Variants in EYA2 observed in about 807,000 individuals in gnomAD.
EYA2 encodes protein phosphatase EYA2.
In EYA2, 31 loss-of-function variants were observed where a neutral mutation model predicts 69.2. That is an observed-to-expected ratio of 0.45 (90% CI 0.34 to 0.60). The LOEUF (loss-of-function observed/expected upper bound fraction) is 0.60, where lower values mean the gene tolerates loss of function less well. Ranked by LOEUF, EYA2 falls within the 20% of genes least tolerant of loss-of-function variation. The probability of loss-of-function intolerance (pLI) is 0.02; values close to 1 mark genes in which losing one functional copy is unlikely to be tolerated. For missense variants in EYA2, 622 were observed against 701.2 expected (o/e 0.89, Z 1.28); for synonymous variants, 257 against 279.4 (o/e 0.92, Z 0.80).
intron 5 of EYA2, among the ~76,000 whole-genome samples, chr20:47,032,790 G>A (rs2146400200): frequency 6.6e-6 from 1 of 152,350 alleles, no homozygotes; most frequent in East Asian, 1.9e-4. Flanking sequence ...ACAAAGTCAA[G>A]TGCTTCCTTG....
intron 8 of EYA2, among the ~76,000 whole-genome samples, chr20:47,096,762 T>G (rs2032258292): frequency 6.6e-6 from 1 of 152,228 alleles, no homozygotes; most frequent in African/African-American, 2.4e-5. Flanking sequence ...TGGTATTTCA[T>G]TTTGTAAAAC....
intron 1 of EYA2, among the ~76,000 whole-genome samples, chr20:46,930,623 G>A (rs1221928237): frequency 6.6e-6 from 1 of 152,122 alleles, no homozygotes; most frequent in East Asian, 1.9e-4. Context: ...TCCTGGTTAG[G>A]TTTCTTGATC....
intron 9 of EYA2, among the ~76,000 whole-genome samples, chr20:47,117,897 G>C (rs1017197126): frequency 6.6e-6 from 1 of 152,150 alleles, no homozygotes; most frequent in Non-Finnish European, 1.5e-5. Flanking sequence ...AAGGACATCT[G>C]TTTATTTTAT....
intron 9 of EYA2, among the ~76,000 whole-genome samples, chr20:47,121,458 C>G (rs772020273): frequency 7.2e-5 from 11 of 152,106 alleles, no homozygotes; most frequent in Non-Finnish European, 1.3e-4. Context: ...TTATGGTCTT[C>G]AAGGAATTGA....
chr20:46,908,782 G>T (rs927963138), intron 1 of EYA2, among the ~76,000 whole-genome samples: 2 of 149,912 alleles, frequency 1.3e-5, no homozygotes, highest in Non-Finnish European at 2.9e-5. Context: ...ATACCTCCAG[G>T]CTCATAGTGT....
intron 7 of EYA2, among the ~76,000 whole-genome samples, chr20:47,075,265 G>C (rs186510207): frequency 6.6e-6 from 1 of 152,208 alleles, no homozygotes; most frequent in Non-Finnish European, 1.5e-5. Flanking sequence ...GGGAAATAAA[G>C]TGCAGTGTAG....
In EYA2 at chr20:47,060,855, T is replaced by C. The variant is rs1409559694; in HGVS notation, c.416-11330T>C. 3.2e-4 allele frequency among the ~76,000 whole-genome samples: 40 copies of C among 125,326 alleles called. 1 individual carries two copies. The highest frequency in any genetic ancestry group is 1.0e-3 in the African/African-American group (34 of 33,558). The allele number at this position is 125,326 out of a possible 152,430, so 82.2% of individuals were successfully genotyped here. ...TTCATCAATCGCTCTCTCTCTCTTT[T>C]TTTTTTTTTTTTTTTTGGAAATGGG... is the stretch of plus-strand genomic sequence containing the variant. On this transcript the variant is annotated intron_variant, in intron 5 of 15. Transcript: ENST00000327619.
At chr20:47,018,762 A>G (rs1426442015) in intron 5 of EYA2, among the ~76,000 whole-genome samples, 4 of 152,250 alleles carry the variant, frequency 2.6e-5, no homozygotes, top group Non-Finnish European at 5.9e-5. Flanking sequence ...TGGGCACCAT[A>G]AGCCCTGCTT....
chr20:47,160,910 G>A, intron 10 of EYA2: 1 of 240,872 alleles, frequency 4.2e-6, no homozygotes, highest in South Asian at 7.4e-5. Flanking sequence ...AAGGTAGTCA[G>A]TGAATTCCTG....
At chr20:46,918,078 T>C (rs1475310755) in intron 1 of EYA2, among the ~76,000 whole-genome samples, 2 of 152,102 alleles carry the variant, frequency 1.3e-5, no homozygotes, top group African/African-American at 4.8e-5. Flanking sequence ...CCCAGCACTT[T>C]GGGAAGCCGA....
chr20:47,073,842 G>C (rs1193631636), intron 6 of EYA2, among the ~76,000 whole-genome samples: 4 of 152,090 alleles, frequency 2.6e-5, no homozygotes, highest in Non-Finnish European at 5.9e-5. Flanking sequence ...GTTCTGAGAT[G>C]TGGATTTTAG....
In EYA2 at chr20:47,021,626, CAA is replaced by C. The variant is rs11477310; in HGVS notation, c.415+5346_415+5347del. 4.1e-3 allele frequency among the ~76,000 whole-genome samples: 338 copies of C among 81,980 alleles called. 3 individuals are homozygous for C. Among genetic ancestry groups the C allele is most frequent in the East Asian group, 0.024 (77 of 3,250 alleles). The allele number at this position is 81,980 out of a possible 152,430, so 53.8% of individuals were successfully genotyped here. On this transcript the variant is annotated intron_variant, in intron 5 of 15. Coordinates refer to ENST00000327619, the MANE Select transcript of EYA2 (RefSeq NM_005244.5). ...TAGGCGACAAAGCGAGACTCCATCT[CAA>C]AAAAAAAAAAAAAAAAGGCAAGAAA...
intron 9 of EYA2, chr20:47,117,622 T>G (rs2032937180): frequency 5.1e-6 from 5 of 985,438 alleles, no homozygotes; most frequent in Non-Finnish European, 6.0e-6. Flanking sequence ...TGTCTGTTAC[T>G]GCTTTACAAA....
chr20:47,097,042 G>A (rs761603143), intron 8 of EYA2, 43 bp from the exon 9 acceptor site: 11 of 1,437,696 alleles, frequency 7.7e-6, no homozygotes, highest in South Asian at 2.3e-5. Flanking sequence ...TCAGATGCAC[G>A]TGAGTCCATT....
chr20:47,115,326 G>A (rs939895354), intron 9 of EYA2, among the ~76,000 whole-genome samples: 1 of 152,144 alleles, frequency 6.6e-6, no homozygotes, highest in Non-Finnish European at 1.5e-5. Context: ...GGCCATACAG[G>A]TGCCTTTGCT....
intron 1 of EYA2, among the ~76,000 whole-genome samples, chr20:46,976,958 C>T (rs954557022): frequency 6.6e-6 from 1 of 152,096 alleles, no homozygotes; most frequent in Non-Finnish European, 1.5e-5. Context: ...GAGGACTGGA[C>T]AGGTGAACTG....
At chr20:47,134,049 C>T (rs1477577765) in intron 9 of EYA2, among the ~76,000 whole-genome samples, 1 of 152,242 alleles carries the variant, frequency 6.6e-6, no homozygotes, top group African/African-American at 2.4e-5. Context: ...AAGGAATGTG[C>T]AGGGTTTGAG....
chr20:46,938,344 A>C (rs542977487), intron 1 of EYA2, among the ~76,000 whole-genome samples: 1 of 152,368 alleles, frequency 6.6e-6, no homozygotes, highest in South Asian at 2.1e-4. Flanking sequence ...ATACTTCAGC[A>C]TGTGCAGTAG....
rs1268558539 is a variant in EYA2 at position 47,179,326 on chromosome 20, G to A, written c.1199-472G>A. 2.3e-5 allele frequency among the ~76,000 whole-genome samples: 2 copies of A among 88,842 alleles called. 1 individual carries two copies. Among genetic ancestry groups the A allele is most frequent in the Non-Finnish European group, 4.5e-5 (2 of 44,500 alleles). 58.3% of individuals were successfully genotyped at this position (88,842 alleles called of 152,430 possible). Reference sequence around the variant, plus strand: ...GGTGGGTAGACTGATGGGTGGGTGGGTGTGTGGGTAGATTGATGGGTGGGT... The same window carrying A: ...GGTGGGTAGACTGATGGGTGGGTGGATGTGTGGGTAGATTGATGGGTGGGT... On this transcript the variant is annotated intron_variant, in intron 12 of 15. Coordinates refer to ENST00000327619, the MANE Select transcript of EYA2 (RefSeq NM_005244.5).
Sources: gnomAD v4.1 joint callset for allele counts (sites outside exome capture counted in the v4.1 genomes callset) on GRCh38, gnomAD v4.1.1 for gene constraint, MANE v1.5 for transcripts, NCBI Gene and HGNC (gene_info 2026-07-23, HGNC 2026-07-21) for gene names.